AMMECR1: variants seen among roughly 807,000 people sequenced by gnomAD.
AMMECR1 encodes AMMECR nuclear protein 1, also known as nuclear protein AMMECR1.
In AMMECR1, 3 loss-of-function variants were observed where a neutral mutation model predicts 22.5. The observed-to-expected ratio is 0.13, with a 90% CI of 0.06 to 0.35. The LOEUF is 0.35. Ranked by LOEUF, AMMECR1 falls within the 10% of genes least tolerant of loss-of-function variation. The pLI is 1.00. For synonymous variants in AMMECR1, 130 were observed against 116.7 expected (o/e 1.11, Z -0.74); for missense variants, 235 against 278.7 (o/e 0.84, Z 1.12).
At chrX:110,284,286 G>A (rs2067868069) in intron 1 of AMMECR1, among the ~76,000 whole-genome samples, 1 of 112,005 alleles carries the variant, frequency 8.9e-6, no homozygotes, top group African/African-American at 3.2e-5. Flanking sequence ...CTAAAACTCT[G>A]AAGGCAAGAA....
At chrX:110,241,514 C>A (rs2067632431) in intron 2 of AMMECR1, among the ~76,000 whole-genome samples, 1 of 111,568 alleles carries the variant, frequency 9.0e-6, no homozygotes, top group African/African-American at 3.3e-5. Flanking sequence ...GACACATACA[C>A]CCGCCCAAAA....
chrX:110,213,419 C>G (rs1388332646), intron 3 of AMMECR1, among the ~76,000 whole-genome samples: 1 of 112,495 alleles, frequency 8.9e-6, no homozygotes, highest in African/African-American at 3.2e-5. Flanking sequence ...ATGGTTCATT[C>G]ATGTTGTAGC....
chrX:110,275,054 A>G (rs1012710348), intron 1 of AMMECR1, among the ~76,000 whole-genome samples: 4 of 111,643 alleles, frequency 3.6e-5, no homozygotes, highest in African/African-American at 1.3e-4. Context: ...ATATAATCCT[A>G]TAATAGATTA....
chrX:110,415,704 G>A (rs986549771), intron 2 of AMMECR1, among the ~76,000 whole-genome samples: 2 of 111,210 alleles, frequency 1.8e-5, no homozygotes, highest in African/African-American at 3.3e-5. Flanking sequence ...CTCCTGGGTT[G>A]AGGTATTTCT....
At chrX:110,377,760 A>G (rs1251962741) in intron 2 of AMMECR1, among the ~76,000 whole-genome samples, 2 of 110,954 alleles carry the variant, frequency 1.8e-5, no homozygotes, top group Non-Finnish European at 3.8e-5. Context: ...TCTCAATCCC[A>G]GCACTTTGGG....
In AMMECR1 at chrX:110,194,226, A is replaced by G. The variant is rs2067359841; in HGVS notation, c.*4294T>C. 8.9e-6 allele frequency: 1 copy of G among 112,384 alleles called. No homozygotes were observed. The highest frequency in any genetic ancestry group is 1.9e-5 in the Non-Finnish European group (1 of 53,265). The allele number at this position is 112,384 out of a possible 1,213,427, so 9.3% of individuals were successfully genotyped here. Reference sequence around the variant, plus strand: ...TATTGGGTAAATGATTTTAAAGGTAATAACAATAGTGTCAAAACTACTACA... The same window carrying G: ...TATTGGGTAAATGATTTTAAAGGTAGTAACAATAGTGTCAAAACTACTACA... On this transcript the variant is annotated 3_prime_UTR_variant, in exon 6 of 6. Transcript: ENST00000262844.
chrX:110,414,961 CAT>C (rs761841113), intron 2 of AMMECR1, among the ~76,000 whole-genome samples: 1 of 110,494 alleles, frequency 9.1e-6, no homozygotes, highest in Non-Finnish European at 1.9e-5. Flanking sequence ...AAGAAGAAAG[CAT>C]ATATATATAT....
At chrX:110,432,285 G>C (rs1011624372) in intron 1 of AMMECR1, among the ~76,000 whole-genome samples, 1 of 112,149 alleles carries the variant, frequency 8.9e-6, no homozygotes, top group Admixed American at 9.4e-5. Flanking sequence ...CTTGCAAGAC[G>C]GGGAGCCACA....
At chrX:110,376,969 C>T (rs2068381083) in intron 2 of AMMECR1, among the ~76,000 whole-genome samples, 1 of 111,759 alleles carries the variant, frequency 8.9e-6, no homozygotes, top group African/African-American at 3.3e-5. Context: ...CCGGACCCAC[C>T]TAGGGGCATG....
At chrX:110,338,375 A>T (rs937822674) in intron 2 of AMMECR1, among the ~76,000 whole-genome samples, 15 of 111,975 alleles carry the variant, frequency 1.3e-4, no homozygotes, top group Non-Finnish European at 2.3e-4. Flanking sequence ...AAGTACAAAC[A>T]ATGAGTGGAC....
chrX:110,335,833 A>G (rs2068139126), intron 2 of AMMECR1, among the ~76,000 whole-genome samples: 1 of 112,186 alleles, frequency 8.9e-6, no homozygotes, highest in South Asian at 3.7e-4. Flanking sequence ...GCTAGATGCC[A>G]TGAACCTCCT....
intron 1 of AMMECR1, among the ~76,000 whole-genome samples, chrX:110,275,782 A>C (rs1317203766): frequency 1.8e-5 from 2 of 111,465 alleles, no homozygotes; most frequent in Non-Finnish European, 3.8e-5. Context: ...GTGAGCTGAC[A>C]TGGTGCCATT....
intron 2 of AMMECR1, among the ~76,000 whole-genome samples, chrX:110,338,769 TA>T (rs2068150537): frequency 9.0e-6 from 1 of 111,354 alleles, no homozygotes; most frequent in Admixed American, 9.6e-5. Context: ...AATTGTCCTT[TA>T]ATATTTGAAT....
intron 1 of AMMECR1, among the ~76,000 whole-genome samples, chrX:110,434,408 G>A (rs944640475): frequency 9.9e-5 from 11 of 111,634 alleles, no homozygotes; most frequent in African/African-American, 3.3e-4. Flanking sequence ...CGGACCAATT[G>A]GGAGACCATC....
chrX:110,343,312 T>C (rs2068172943), intron 2 of AMMECR1, among the ~76,000 whole-genome samples: 1 of 111,871 alleles, frequency 8.9e-6, no homozygotes, highest in Non-Finnish European at 1.9e-5. Context: ...CTAAAAACTC[T>C]CAATAAATTA....
In AMMECR1 at chrX:110,391,319, C is replaced by T. The variant is rs1359092884; in HGVS notation, c.-148+35339G>A. Among the ~76,000 whole-genome samples, 5 of 111,962 alleles carry T rather than the reference C, an allele frequency of 4.5e-5. No homozygotes were observed. In the Admixed American group the frequency reaches 4.7e-4, roughly 11 times the overall value. ...CACATGGGCCCTGGACTGCTGAATTCATGGTCAAATCATTGTTTTCCCAAC... is the reference window on the plus strand; with the variant it reads ...CACATGGGCCCTGGACTGCTGAATTTATGGTCAAATCATTGTTTTCCCAAC... On this transcript the variant is annotated intron_variant, in intron 2 of 7. Coordinates refer to the AMMECR1 transcript ENST00000372057.
intron 2 of AMMECR1, among the ~76,000 whole-genome samples, chrX:110,336,737 AT>A (rs1313519159): frequency 1.8e-5 from 2 of 110,012 alleles, no homozygotes; most frequent in African/African-American, 6.6e-5. Flanking sequence ...TGATTTCATG[AT>A]TATTATTGCT....
intron 2 of AMMECR1, among the ~76,000 whole-genome samples, chrX:110,222,799 G>A (rs781485155): frequency 9.1e-6 from 1 of 110,478 alleles, no homozygotes; most frequent in Non-Finnish European, 1.9e-5. Flanking sequence ...AAGGGAGAAT[G>A]GAAAAGTAAG....
chrX:110,317,558 C>T (rs781118820), intron 1 of AMMECR1, 41 bp downstream of exon 1: 2 of 1,127,191 alleles, frequency 1.8e-6, no homozygotes, highest in South Asian at 2.2e-5. Flanking sequence ...GAGCCCCATC[C>T]CGAGCGCAAG....
Sources: gnomAD v4.1 joint callset for allele counts (sites outside exome capture counted in the v4.1 genomes callset) on GRCh38, gnomAD v4.1.1 for gene constraint, MANE v1.5 for transcripts, NCBI Gene and HGNC (gene_info 2026-07-23, HGNC 2026-07-21) for gene names.